The following SGIP1 variants were observed in gnomAD, a reference collection of about 807,000 sequenced individuals.
The protein encoded by SGIP1 is SH3-containing GRB2-like protein 3-interacting protein 1.
Under a neutral mutation model 107.5 loss-of-function variants are expected in SGIP1, and 38 were observed. The ratio of observed to expected loss-of-function variants is 0.35; its 90% confidence interval spans 0.27 to 0.46. The LOEUF is 0.46. Among genes scored for constraint, SGIP1 ranks in the 20% least tolerant of loss-of-function variants. The pLI is 1.00. For missense variants in SGIP1, 929 were observed against 1,019.5 expected, an observed-to-expected ratio of 0.91 and a Z score of 1.21; for synonymous variants, 365 against 366.1, an observed-to-expected ratio of 1.00 and a Z score of 0.03.
chr1:66,576,094 A>G (rs538664000), intron 1 of SGIP1, among the ~76,000 whole-genome samples: 12 of 152,328 alleles, frequency 7.9e-5, no homozygotes, highest in African/African-American at 2.6e-4. Context: ...ATTCACAGTA[A>G]TAAGATGCAG....
chr1:66,642,897 C>T (rs200310279), intron 6 of SGIP1, 33 bp downstream of exon 6: 1 of 1,537,508 alleles, frequency 6.5e-7, no homozygotes, highest in East Asian at 2.3e-5. Context: ...TTTTAATTTT[C>T]ATTCACTCTC....
intron 18 of SGIP1, among the ~76,000 whole-genome samples, chr1:66,716,340 T>A (rs1343368664): frequency 1.3e-5 from 2 of 152,202 alleles, no homozygotes; most frequent in Non-Finnish European, 2.9e-5. Context: ...ATTTTACTAT[T>A]TTATTCACAA....
chr1:66,660,201 AAGAAAGAAAGAAAG>A (rs1427508124), intron 7 of SGIP1: 20 of 217,146 alleles, frequency 9.2e-5, no homozygotes, highest in African/African-American at 2.3e-4. Context: ...GAAAGAAAGA[AAGAAAGAAAGAAAG>A]AGAAAGAAAG....
At chr1:66,539,746 A>C (rs1346161821) in intron 1 of SGIP1, among the ~76,000 whole-genome samples, 1 of 152,108 alleles carries the variant, frequency 6.6e-6, no homozygotes, top group Non-Finnish European at 1.5e-5. Flanking sequence ...GGAGTTACCA[A>C]TTCTCTTGTG....
chr1:66,709,402 A>C (rs1173119790), intron 18 of SGIP1, among the ~76,000 whole-genome samples: 1 of 152,110 alleles, frequency 6.6e-6, no homozygotes, highest in African/African-American at 2.4e-5. Flanking sequence ...AGTCAAGTGA[A>C]TCTAGATTTG....
At chr1:66,585,881 G>T (rs959967341) in intron 1 of SGIP1, among the ~76,000 whole-genome samples, 8 of 152,118 alleles carry the variant, frequency 5.3e-5, no homozygotes, top group African/African-American at 1.9e-4. Context: ...GTTTAATACT[G>T]TCTCCAAGTG....
intron 1 of SGIP1, among the ~76,000 whole-genome samples, chr1:66,610,202 A>G (rs2067684592): frequency 6.6e-6 from 1 of 152,238 alleles, no homozygotes; most frequent in Admixed American, 6.5e-5. Context: ...CATACTCAGA[A>G]AAACTAAAGC....
At chr1:66,585,783 C>A (rs2062522218) in intron 1 of SGIP1, among the ~76,000 whole-genome samples, 1 of 152,004 alleles carries the variant, frequency 6.6e-6, no homozygotes, top group African/African-American at 2.4e-5. Context: ...AGACACTGTG[C>A]CAGGCCAAGA....
chr1:66,630,512 TACTC>T (rs1331671889), intron 2 of SGIP1, among the ~76,000 whole-genome samples: 1 of 151,888 alleles, frequency 6.6e-6, no homozygotes, highest in Non-Finnish European at 1.5e-5. Context: ...TAGTAAGAAA[TACTC>T]AGTATATTGG....
chr1:66,558,677 T>C (rs1449944194), intron 1 of SGIP1, among the ~76,000 whole-genome samples: 1 of 151,900 alleles, frequency 6.6e-6, no homozygotes, highest in Non-Finnish European at 1.5e-5. Flanking sequence ...TATAGTCTAA[T>C]ATATTCACTG....
intron 1 of SGIP1, among the ~76,000 whole-genome samples, chr1:66,550,056 T>C (rs1220414760): frequency 6.6e-6 from 1 of 152,166 alleles, no homozygotes; most frequent in Non-Finnish European, 1.5e-5. Context: ...ATACCCACTC[T>C]GCTCTATAAG....
intron 1 of SGIP1, among the ~76,000 whole-genome samples, chr1:66,567,202 G>T (rs1407617474): frequency 1.3e-5 from 2 of 151,984 alleles, no homozygotes; most frequent in Non-Finnish European, 2.9e-5. Flanking sequence ...TCACCATTCT[G>T]ACTGGTGTGA....
chr1:66,601,352 G>C (rs144105552), intron 1 of SGIP1, among the ~76,000 whole-genome samples: 1 of 152,268 alleles, frequency 6.6e-6, no homozygotes, highest in African/African-American at 2.4e-5. Context: ...GCGACACAGA[G>C]AGACTCCGTC....
chr1:66,599,891 C>T (rs1045481278), intron 1 of SGIP1, among the ~76,000 whole-genome samples: 4 of 152,172 alleles, frequency 2.6e-5, no homozygotes, highest in African/African-American at 9.7e-5. Flanking sequence ...ACCTGATGAA[C>T]TCCAATTGAA....
chr1:66,695,864 C>T (rs989310163), intron 18 of SGIP1, among the ~76,000 whole-genome samples: 1 of 152,194 alleles, frequency 6.6e-6, no homozygotes, highest in African/African-American at 2.4e-5. Context: ...AATATAAGGA[C>T]ATTTTTGGTT....
Position 66,682,378 on chromosome 1 carries a change from T to TA in SGIP1, c.1315+10dup. The TA allele has an allele frequency of 6.3e-7, 1 of 1,596,912 alleles. No homozygotes were observed. The highest frequency in any genetic ancestry group is 8.5e-7 in the Non-Finnish European group (1 of 1,174,900). ...TCCGGGGACCACCAGTGGTATGTCTTATGCTTGAGTGTGCTTCTTGTGACG... is the reference window on the plus strand; with the variant it reads ...TCCGGGGACCACCAGTGGTATGTCTTAATGCTTGAGTGTGCTTCTTGTGACG... On this transcript the variant is annotated intron_variant, in intron 15 of 24. Transcript: ENST00000371037.
intron 1 of SGIP1, among the ~76,000 whole-genome samples, chr1:66,602,047 T>G (rs914022151): frequency 6.6e-6 from 1 of 152,214 alleles, no homozygotes; most frequent in Non-Finnish European, 1.5e-5. Context: ...AAGGAGCTGC[T>G]AACATCAGGT....
Position 66,681,994 on chromosome 1 carries a change from C to A in SGIP1, c.940C>A (p.His314Asn), listed in dbSNP as rs1365582162. Residue 314 changes from histidine (H) to asparagine (N), a missense_variant, in exon 15 of 25, where the codon CAT becomes AAT. His to Asn is a moderately conservative substitution (Grantham distance 68). Transcript: ENST00000371037. Reference protein sequence around the residue: ...VAVNAEEKWVHFSDTSPEHVT... With the variant: ...VAVNAEEKWVNFSDTSPEHVT... ...TGTTAATGCTGAAGAAAAGTGGGTC[C>A]ATTTTTCTGATACATCCCCGGAACA... is the stretch of plus-strand genomic sequence containing the variant. The A allele has an allele frequency of 1.2e-6, 2 of 1,614,176 alleles. No individual in the cohort carries two copies. The highest frequency in any genetic ancestry group is 8.5e-7 in the Non-Finnish European group (1 of 1,180,020).
At chr1:66,681,090 T>C (rs980247549) in intron 14 of SGIP1, among the ~76,000 whole-genome samples, 3 of 152,256 alleles carry the variant, frequency 2.0e-5, no homozygotes, top group African/African-American at 7.2e-5. Flanking sequence ...TTAGACTTAA[T>C]GAGAAAAGAA....
Sources: allele counts gnomAD v4.1 joint callset (sites outside exome capture counted in the v4.1 genomes callset), GRCh38; gene constraint gnomAD v4.1.1; transcripts MANE v1.5; gene names NCBI Gene and HGNC (gene_info 2026-07-23, HGNC 2026-07-21).